CD2AP: variants seen among roughly 807,000 people sequenced by gnomAD.
CD2AP encodes the protein CD2-associated protein.
In CD2AP, 46 loss-of-function variants were observed where a neutral mutation model predicts 85.1. That is an observed-to-expected ratio of 0.54 (90% CI 0.43 to 0.69). The LOEUF (loss-of-function observed/expected upper bound fraction) is 0.69. Ranked by LOEUF, CD2AP falls within the 30% of genes least tolerant of loss-of-function variation. The pLI is 0.00. For missense variants in CD2AP, 769 were observed against 729.5 expected, an observed-to-expected ratio of 1.05 and a Z score of -0.62; for synonymous variants, 255 against 252.9, an observed-to-expected ratio of 1.01 and a Z score of -0.08.
chr6:47,534,911 C>T (rs549243922), intron 3 of CD2AP, among the ~76,000 whole-genome samples: 1 of 130,934 alleles, frequency 7.6e-6, no homozygotes, highest in East Asian at 2.0e-4. Context: ...TTTCCCATTT[C>T]AGGCTACTGA....
intron 2 of CD2AP, among the ~76,000 whole-genome samples, chr6:47,531,088 C>CA (rs1289171548): frequency 8.0e-4 from 118 of 146,658 alleles, no homozygotes; most frequent in East Asian, 4.0e-3. Context: ...TATCTCTACC[C>CA]AAAAAAAAAA....
intron 5 of CD2AP, among the ~76,000 whole-genome samples, chr6:47,570,021 AACACCCGCACCC>A (rs1458441177): frequency 4.6e-5 from 7 of 152,186 alleles, no homozygotes; most frequent in African/African-American, 1.4e-4. Context: ...GTCCAGTTAA[AACACCCGCACCC>A]ACACCTGCAT....
rs534076442 is a variant in CD2AP at position 47,482,947 on chromosome 6, T to C, written c.4+4699T>C. On this transcript the variant is annotated intron_variant, in intron 1 of 17. Transcript: ENST00000359314. ...GGTAGAGAAAGAAGTATAATGATTA[T>C]TCATTTGGGTGAGAATTGGGTGGAG... Among the ~76,000 whole-genome samples, 121 of 152,344 alleles carry C rather than the reference T, an allele frequency of 7.9e-4. 1 individual carries two copies. In the Middle Eastern group the frequency reaches 0.02, roughly 26 times the overall value.
At position 47,587,807 on chromosome 6, in the gene CD2AP, C is replaced by T. The variant is rs906938227; in HGVS notation, c.1108+5742C>T. 2.6e-5 allele frequency among the ~76,000 whole-genome samples: 4 copies of T among 152,208 alleles called. No individual in the cohort carries two copies. The South Asian group carries it at 8.3e-4, about 32-fold the overall frequency. On this transcript the variant is annotated intron_variant, in intron 11 of 17. Transcript: ENST00000359314. ...TTTTATCTTATGTCCTCCTCACTTC[C>T]TATACACACATACACAGTCATACCC...
chr6:47,610,436 AC>A (rs1562056262), intron 16 of CD2AP, among the ~76,000 whole-genome samples: 1 of 152,174 alleles, frequency 6.6e-6, no homozygotes, highest in African/African-American at 2.4e-5. Context: ...GTATAAAAGA[AC>A]AAAAAATAAA....
At chr6:47,576,870 ATAAGTATT>A (rs1768328501) in intron 7 of CD2AP, 131 bp from the exon 8 acceptor site, 2 of 665,558 alleles carry the variant, frequency 3.0e-6, no homozygotes, top group Non-Finnish European at 5.4e-6. Context: ...GGTATTGACT[ATAAGTATT>A]TTAAAATTTA....
At chr6:47,602,840 T>C (rs1158794473) in intron 13 of CD2AP, among the ~76,000 whole-genome samples, 1 of 151,738 alleles carries the variant, frequency 6.6e-6, no homozygotes, top group Non-Finnish European at 1.5e-5. Context: ...TTGGAGGTTG[T>C]AGTGAGCCTT....
intron 3 of CD2AP, among the ~76,000 whole-genome samples, chr6:47,543,825 G>C (rs2114043750): frequency 6.6e-6 from 1 of 152,316 alleles, no homozygotes; most frequent in Non-Finnish European, 1.5e-5. Flanking sequence ...CTAGTAAGTA[G>C]ATGTGGGGTG....
At chr6:47,576,438 C>T in intron 6 of CD2AP, 86 bp from the exon 7 acceptor site, 1 of 909,672 alleles carries the variant, frequency 1.1e-6, no homozygotes, top group Admixed American at 1.7e-5. Context: ...TTAGGGAAAG[C>T]TGGGTAACTG....
chr6:47,553,075 A>G (rs945168677), intron 4 of CD2AP, among the ~76,000 whole-genome samples: 37 of 151,666 alleles, frequency 2.4e-4, no homozygotes, highest in African/African-American at 9.0e-4. Context: ...CTTAAATTGT[A>G]TTGTAGCCAT....
chr6:47,533,216 T>A (rs930919679), intron 2 of CD2AP, among the ~76,000 whole-genome samples: 2 of 152,200 alleles, frequency 1.3e-5, no homozygotes, highest in African/African-American at 4.8e-5. Context: ...GTGTTGATGG[T>A]TGCAACAGAA....
At chr6:47,576,729 C>A in intron 7 of CD2AP, 127 bp downstream of exon 7, 1 of 760,294 alleles carries the variant, frequency 1.3e-6, no homozygotes. Flanking sequence ...ATGTAAGCAC[C>A]ATGAGGTCAA....
intron 8 of CD2AP, 51 bp from the exon 9 acceptor site, chr6:47,579,334 T>TAAAAAA (rs34735056): frequency 1.2e-5 from 10 of 803,128 alleles, no homozygotes; most frequent in Admixed American, 2.1e-5. Flanking sequence ...CACTTTATCT[T>TAAAAAA]AAAAAAAAAA....
At chr6:47,582,290 C>G (rs1006762798) in intron 11 of CD2AP, 1 of 437,590 alleles carries the variant, frequency 2.3e-6, no homozygotes, top group Admixed American at 3.6e-5. Context: ...TGTCTTTATT[C>G]AGTTATTTCA....
In CD2AP at chr6:47,513,892, TG is replaced by T. The variant is rs201405459; in HGVS notation, c.165+10462del. ...TCAGACTTTAAAAAAAATTTTTTTT[TG>T]GGGGGGGGGCTAGCCTTACAGATGT... On this transcript the variant is annotated intron_variant, in intron 2 of 17. Transcript: ENST00000359314. 3.9e-3 allele frequency among the ~76,000 whole-genome samples: 559 copies of T among 141,802 alleles called. 5 individuals are homozygous for T. Among genetic ancestry groups the T allele is most frequent in the African/African-American group, 9.9e-3 (378 of 38,354 alleles). 93.0% of individuals were successfully genotyped at this position (141,802 alleles called of 152,430 possible).
At chr6:47,520,525 A>T (rs1766560034) in intron 2 of CD2AP, among the ~76,000 whole-genome samples, 3 of 151,996 alleles carry the variant, frequency 2.0e-5, no homozygotes, top group African/African-American at 7.3e-5. Context: ...GGGGGAAGGA[A>T]GGTGTGGTTT....
At chr6:47,586,377 A>C (rs1458338415) in intron 11 of CD2AP, among the ~76,000 whole-genome samples, 1 of 152,194 alleles carries the variant, frequency 6.6e-6, no homozygotes, top group Non-Finnish European at 1.5e-5. Flanking sequence ...TATAGAAAAA[A>C]AGTGAACAGA....
At chr6:47,485,464 A>C (rs975768305) in intron 1 of CD2AP, among the ~76,000 whole-genome samples, 13 of 152,212 alleles carry the variant, frequency 8.5e-5, no homozygotes, top group African/African-American at 3.1e-4. Flanking sequence ...TTGTACAACT[A>C]TACAATGTGT....
rs150980630 is a variant in CD2AP at position 47,592,779 on chromosome 6, C to T, written c.1109-3082C>T. Among the ~76,000 whole-genome samples the T allele has an allele frequency of 3.5e-4, 54 of 152,202 alleles. No homozygotes were observed. The South Asian group carries it at 6.6e-3, about 19-fold the overall frequency. ...GAAGGTGGTACACCTGGAGAAGTTA[C>T]GGAAACTCTGCATCTCTTCCTGCAT... On this transcript the variant is annotated intron_variant, in intron 11 of 17. Transcript: ENST00000359314.
Sources: gnomAD v4.1 joint callset for allele counts (sites outside exome capture counted in the v4.1 genomes callset) on GRCh38, gnomAD v4.1.1 for gene constraint, MANE v1.5 for transcripts, NCBI Gene and HGNC (gene_info 2026-07-23, HGNC 2026-07-21) for gene names.